SNTG1: variants seen among roughly 807,000 people sequenced by gnomAD.
SNTG1 encodes the protein syntrophin gamma 1.
Under a neutral mutation model 74.7 loss-of-function variants are expected in SNTG1, and 39 were observed. The observed-to-expected ratio is 0.52, with a 90% CI of 0.40 to 0.68. The LOEUF is 0.68. SNTG1 is among the 30% of genes least tolerant of loss of function. SNTG1 has a pLI of 0.00. For synonymous variants in SNTG1, 254 were observed against 217.1 expected, an observed-to-expected ratio of 1.17 and a Z score of -1.49; for missense variants, 685 against 609.5, an observed-to-expected ratio of 1.12 and a Z score of -1.30.
intron 2 of SNTG1, among the ~76,000 whole-genome samples, chr8:50,301,862 GTT>G (rs549672864): frequency 9.5e-6 from 1 of 105,100 alleles, no homozygotes; most frequent in Non-Finnish European, 2.2e-5. Context: ...TTTGTTTTTT[GTT>G]TTTTTTTTTT....
intron 8 of SNTG1, among the ~76,000 whole-genome samples, chr8:50,489,220 G>A (rs1160789898): frequency 1.3e-5 from 2 of 152,216 alleles, no homozygotes; most frequent in African/African-American, 4.8e-5. Context: ...AGTGTGAACA[G>A]TGCTGCAATA....
At chr8:50,394,455 G>A (rs1043081809) in intron 3 of SNTG1, among the ~76,000 whole-genome samples, 190 bp downstream of exon 3, 6 of 152,116 alleles carry the variant, frequency 3.9e-5, no homozygotes, top group Non-Finnish European at 5.9e-5. Context: ...GAAAGCCTTG[G>A]ACTTTAACTC....
intron 1 of SNTG1, among the ~76,000 whole-genome samples, chr8:49,960,683 G>A (rs1810600449): frequency 6.6e-6 from 1 of 152,058 alleles, no homozygotes; most frequent in Admixed American, 6.6e-5. Flanking sequence ...TCACATGTAA[G>A]TGAGTCAGAA....
chr8:50,672,582 A>G (rs985233837), intron 15 of SNTG1, among the ~76,000 whole-genome samples: 1 of 152,110 alleles, frequency 6.6e-6, no homozygotes, highest in African/African-American at 2.4e-5. Context: ...AATTCTAGAT[A>G]TTAGACCTTT....
intron 1 of SNTG1, among the ~76,000 whole-genome samples, chr8:50,099,359 A>C (rs1157583275): frequency 6.6e-6 from 1 of 152,136 alleles, no homozygotes; most frequent in African/African-American, 2.4e-5. Flanking sequence ...CAGAAACCAA[A>C]TTTGTGATTA....
At chr8:50,668,491 C>T (rs568860542) in intron 15 of SNTG1, among the ~76,000 whole-genome samples, 20 of 133,104 alleles carry the variant, frequency 1.5e-4, no homozygotes, top group East Asian at 1.1e-3. Flanking sequence ...CTTCATCTTT[C>T]GCACATTATT....
At chr8:50,174,884 C>G (rs2082940271) in intron 2 of SNTG1, among the ~76,000 whole-genome samples, 1 of 139,718 alleles carries the variant, frequency 7.2e-6, no homozygotes, top group Non-Finnish European at 1.5e-5. Flanking sequence ...ACAACAGTCC[C>G]CGGTGTGTGA....
At chr8:50,484,220 C>A (rs1386403694) in intron 8 of SNTG1, among the ~76,000 whole-genome samples, 2 of 127,696 alleles carry the variant, frequency 1.6e-5, no homozygotes, top group African/African-American at 2.9e-5. Context: ...TTCCTTCTTT[C>A]TTTCTTTTTT....
At chr8:50,102,194 A>G (rs906556795) in intron 1 of SNTG1, among the ~76,000 whole-genome samples, 1 of 144,962 alleles carries the variant, frequency 6.9e-6, no homozygotes, top group East Asian at 2.1e-4. Flanking sequence ...AAGTGTTCCT[A>G]TTTCTCCACA....
chr8:50,261,538 A>G (rs1479302842), intron 2 of SNTG1, among the ~76,000 whole-genome samples: 2 of 152,110 alleles, frequency 1.3e-5, no homozygotes, highest in African/African-American at 2.4e-5. Flanking sequence ...ACAGATTACT[A>G]CTAATCTGTT....
chr8:50,627,201 T>G (rs2094962201), intron 13 of SNTG1, among the ~76,000 whole-genome samples: 1 of 152,230 alleles, frequency 6.6e-6, no homozygotes, highest in South Asian at 2.1e-4. Context: ...TCACTTTGTT[T>G]TCTGTGATTT....
At chr8:50,397,542 G>A (rs1044785440) in intron 3 of SNTG1, among the ~76,000 whole-genome samples, 18 of 152,164 alleles carry the variant, frequency 1.2e-4, no homozygotes, top group Non-Finnish European at 2.6e-4. Flanking sequence ...GTGGCTTTGG[G>A]GAAGATCATC....
At chr8:50,111,052 G>T (rs1409915519) in intron 1 of SNTG1, among the ~76,000 whole-genome samples, 1 of 152,128 alleles carries the variant, frequency 6.6e-6, no homozygotes, top group Non-Finnish European at 1.5e-5. Context: ...GGTTTAGACA[G>T]ATTTTCTGAG....
chr8:50,071,912 T>C (rs1171475767), intron 1 of SNTG1, among the ~76,000 whole-genome samples: 1 of 152,064 alleles, frequency 6.6e-6, no homozygotes, highest in Non-Finnish European at 1.5e-5. Flanking sequence ...GAATAAAATA[T>C]AAAAATGTTA....
chr8:50,389,785 T>A (rs1359679802), intron 2 of SNTG1, among the ~76,000 whole-genome samples: 1 of 152,162 alleles, frequency 6.6e-6, no homozygotes, highest in Non-Finnish European at 1.5e-5. Context: ...TCTAACTGGT[T>A]CAAGATGATA....
intron 13 of SNTG1, among the ~76,000 whole-genome samples, chr8:50,627,818 C>T (rs2094966987): frequency 1.3e-5 from 2 of 152,326 alleles, no homozygotes; most frequent in Middle Eastern, 3.4e-3. Context: ...CCTTCAGGAA[C>T]ATGGGGTGCT....
chr8:49,975,020 T>C (rs1295069388), intron 1 of SNTG1, among the ~76,000 whole-genome samples: 1 of 151,922 alleles, frequency 6.6e-6, no homozygotes, highest in African/African-American at 2.4e-5. Flanking sequence ...TCCATGGAAA[T>C]GATAGTCCAG....
intron 4 of SNTG1, among the ~76,000 whole-genome samples, chr8:50,430,102 A>G (rs545143288): frequency 7.2e-4 from 109 of 152,306 alleles, no homozygotes; most frequent in African/African-American, 2.4e-3. Flanking sequence ...CAAATGTGCC[A>G]TAAAATGCTT....
At chr8:50,589,618 G>A (rs113359996) in intron 12 of SNTG1, among the ~76,000 whole-genome samples, 6,347 of 150,524 alleles carry the variant, frequency 0.042, 236 homozygotes, top group African/African-American at 0.093. Context: ...TGCAGTTTAC[G>A]AAGCTACATA....
Sources: gnomAD v4.1 joint callset for allele counts (sites outside exome capture counted in the v4.1 genomes callset) on GRCh38, gnomAD v4.1.1 for gene constraint, MANE v1.5 for transcripts, NCBI Gene and HGNC (gene_info 2026-07-23, HGNC 2026-07-21) for gene names.